The following GBP6 variants were observed in gnomAD, a reference collection of about 807,000 sequenced individuals.
The protein encoded by GBP6 is guanylate binding protein family member 6.
GBP6 carries 54 observed loss-of-function variants against 61.5 expected under a neutral mutation model. That is an observed-to-expected ratio of 0.88 (90% CI 0.71 to 1.10). The LOEUF is 1.10. Among genes scored for constraint, GBP6 ranks in the 50% least tolerant of loss-of-function variants. GBP6 has a pLI of 0.00. For synonymous variants in GBP6, 255 were observed against 273.7 expected (o/e 0.93, Z 0.67); for missense variants, 748 against 752.8 (o/e 0.99, Z 0.07).
chr1:89,368,107 G>A (rs1652514495), intron 1 of GBP6, among the ~76,000 whole-genome samples: 1 of 152,090 alleles, frequency 6.6e-6, no homozygotes, highest in Admixed American at 6.5e-5. Context: ...TTAATCAATT[G>A]TCCAGGTTTG....
Position 89,380,399 on chromosome 1 carries a change from A to G in GBP6, c.639A>G (p.Arg213=). ...TTTATCCCTCAGGCAATAATCCCAG[A>G]GTTCAAACATCCAATTTTCCCAGGG... ...ALKLIQGNNP[R]VQTSNFPREC... Residue 213 remains arginine, a synonymous_variant, in exon 6 of 11, where the codon AGA becomes AGG. Coordinates refer to ENST00000370456, the MANE Select transcript of GBP6 (RefSeq NM_198460.3). 6.2e-6 allele frequency: 10 copies of G among 1,613,456 alleles called. No individual in the cohort carries two copies. The highest frequency in any genetic ancestry group is 7.6e-6 in the Non-Finnish European group (9 of 1,179,506).
chr1:89,379,391 A>G (rs1486647328), intron 5 of GBP6, among the ~76,000 whole-genome samples: 1 of 152,120 alleles, frequency 6.6e-6, no homozygotes, highest in Non-Finnish European at 1.5e-5. Flanking sequence ...GAGGGGACAC[A>G]CATCCAAAAT....
Position 89,386,976 on chromosome 1 carries a change from G to T in GBP6, c.*1507G>T, listed in dbSNP as rs1653161279. Among the ~76,000 whole-genome samples, 1 of 152,196 alleles carries T rather than the reference G, an allele frequency of 6.6e-6. No individual in the cohort carries two copies. Among genetic ancestry groups the T allele is most frequent in the South Asian group, 2.1e-4 (1 of 4,824 alleles). On this transcript the variant is annotated 3_prime_UTR_variant, in exon 11 of 11. Coordinates refer to ENST00000370456, the MANE Select transcript of GBP6 (RefSeq NM_198460.3). ...TGAAGATGGTCAATACAATGGACCA[G>T]CCATAGGGTTAAATGGGATGGGGAG...
At chr1:89,367,947 T>C (rs1439867952) in intron 1 of GBP6, among the ~76,000 whole-genome samples, 1 of 152,236 alleles carries the variant, frequency 6.6e-6, no homozygotes, top group Non-Finnish European at 1.5e-5. Flanking sequence ...ATTTTGAATA[T>C]GCCTTTTAAA....
rs759881704 is a variant in GBP6, at chr1:89,378,492, G to A, written c.504G>A (p.Glu168=). 1.9e-6 allele frequency: 3 copies of A among 1,614,164 alleles called. No individual in the cohort carries two copies. The highest frequency in any genetic ancestry group is 1.3e-5 in the African/African-American group (1 of 75,054). ...CTGATGGAGTAGAAGATTCCACAGA[G>A]TTTGTGAGTTTCTTCCCAGACTTTC... ...PRPDGVEDST[E]FVSFFPDFLW... The change falls in exon 5 of 11, where the codon GAG becomes GAA. Residue 168 remains glutamate, a synonymous_variant. Coordinates refer to ENST00000370456, the MANE Select transcript of GBP6 (RefSeq NM_198460.3).
intron 9 of GBP6, 29 bp from the exon 10 acceptor site, chr1:89,384,064 C>CT: frequency 6.4e-7 from 1 of 1,559,120 alleles, no homozygotes; most frequent in South Asian, 1.2e-5. Flanking sequence ...CTATTATTTT[C>CT]TTCTCTTTCT....
chr1:89,368,912 AT>A (rs1208532852), intron 2 of GBP6, among the ~76,000 whole-genome samples, 171 bp downstream of exon 2: 1 of 151,926 alleles, frequency 6.6e-6, no homozygotes, highest in Non-Finnish European at 1.5e-5. Flanking sequence ...CCATTCTCAT[AT>A]TTTTTCCCTC....
At chr1:89,367,913 C>CA (rs1207155731) in intron 1 of GBP6, among the ~76,000 whole-genome samples, 1 of 152,158 alleles carries the variant, frequency 6.6e-6, no homozygotes, top group African/African-American at 2.4e-5. Flanking sequence ...AACTGGCAAA[C>CA]AAAATGCCAT....
At position 89,382,564 on chromosome 1, in the gene GBP6, T is replaced by C. The variant is rs1234708853; in HGVS notation, c.1153-100T>C. 6.7e-6 allele frequency: 6 copies of C among 892,410 alleles called. No homozygotes were observed. In the African/African-American group the frequency reaches 1.0e-4, roughly 15 times the overall value. The allele number at this position is 892,410 out of a possible 1,614,324, so 55.3% of individuals were successfully genotyped here. ...CATCTACTCCACTAGAATGTTTTTC[T>C]CATGAGGACCACAGTTAGATTGACT... On this transcript the variant is annotated intron_variant, in intron 7 of 10. Transcript: ENST00000370456.
At chr1:89,374,632 G>A (rs909192739) in intron 3 of GBP6, among the ~76,000 whole-genome samples, 1 of 152,014 alleles carries the variant, frequency 6.6e-6, no homozygotes, top group Admixed American at 6.6e-5. Flanking sequence ...AATGTGTCAG[G>A]TGATATCTTA....
At position 89,385,541 on chromosome 1, in the gene GBP6, GT is replaced by G. The variant is rs370789372; in HGVS notation, c.*86del. 1.5e-3 allele frequency: 1,682 copies of G among 1,135,790 alleles called. No individual in the cohort carries two copies. The highest frequency in any genetic ancestry group is 3.6e-3 in the East Asian group (138 of 37,896). The allele number at this position is 1,135,790 out of a possible 1,614,324, so 70.4% of individuals were successfully genotyped here. On this transcript the variant is annotated 3_prime_UTR_variant, in exon 11 of 11. Transcript: ENST00000370456. ...TATGTTTTTCATTTTCATTCAGCAA[GT>G]TTTTTTTTTTTTTCAGAGTCTTACT...
chr1:89,380,772 A>C, intron 6 of GBP6, 141 bp downstream of exon 6: 1 of 712,210 alleles, frequency 1.4e-6, no homozygotes, highest in Non-Finnish European at 2.2e-6. Flanking sequence ...AAATGTGTAT[A>C]ATTATCACAC....
At chr1:89,379,909 G>A (rs972918059) in intron 5 of GBP6, among the ~76,000 whole-genome samples, 1 of 152,210 alleles carries the variant, frequency 6.6e-6, no homozygotes, top group Admixed American at 6.5e-5. Context: ...AGGAAGAGGT[G>A]AAAGGATTAT....
chr1:89,380,492 C>T lies in GBP6; in HGVS notation c.732C>T (p.Asp244=). 1 of 1,614,104 alleles carries T rather than the reference C, an allele frequency of 6.2e-7. No homozygotes were observed. The change falls in exon 6 of 11, where the codon GAC becomes GAT. Residue 244 remains aspartate, a synonymous_variant. Transcript: ENST00000370456. ...TTGACCGGCCAACAAATGACAAAGACCTTCTAGCCAATATTGAGAAGGTGT... is the reference window on the plus strand; with the variant it reads ...TTGACCGGCCAACAAATGACAAAGATCTTCTAGCCAATATTGAGAAGGTGT... ...FVFDRPTNDK[D]LLANIEKVSE...
intron 7 of GBP6, among the ~76,000 whole-genome samples, chr1:89,382,441 AAG>A (rs1166659840): frequency 1.3e-5 from 2 of 152,228 alleles, no homozygotes; most frequent in African/African-American, 4.8e-5. Context: ...TGTCACAGAT[AAG>A]GAACCTGAAG....
chr1:89,378,968 A>T (rs974192748), intron 5 of GBP6, among the ~76,000 whole-genome samples: 2 of 152,204 alleles, frequency 1.3e-5, no homozygotes, highest in Non-Finnish European at 2.9e-5. Flanking sequence ...GTTAGACATG[A>T]AATTACAATG....
intron 10 of GBP6, 23 bp downstream of exon 10, chr1:89,384,309 C>T (rs1355849138): frequency 3.2e-6 from 5 of 1,583,922 alleles, no homozygotes; most frequent in Non-Finnish European, 4.3e-6. Context: ...TTGGCCTCAG[C>T]AGGCCAGACG....
intron 5 of GBP6, 134 bp downstream of exon 5, chr1:89,378,747 T>C (rs1652878930): frequency 1.5e-6 from 1 of 652,786 alleles, no homozygotes; most frequent in Admixed American, 3.0e-5. Context: ...GAGGGGTATG[T>C]TGAAGAGCTC....
chr1:89,371,065 G>A lies in GBP6; in HGVS notation c.318+1392G>A, dbSNP rs77397491. ...TGAGTTTAACTATTTGACTATTTTAGATTCCACAAATAGGTGAGATCATGC... is the reference window on the plus strand; with the variant it reads ...TGAGTTTAACTATTTGACTATTTTAAATTCCACAAATAGGTGAGATCATGC... On this transcript the variant is annotated intron_variant, in intron 3 of 10. Coordinates refer to ENST00000370456, the MANE Select transcript of GBP6 (RefSeq NM_198460.3). Among the ~76,000 whole-genome samples the A allele has an allele frequency of 5.7e-3, 864 of 152,262 alleles. 25 individuals are homozygous for A. The East Asian group carries it at 0.084, about 15-fold the overall frequency.
Sources: gnomAD v4.1 joint callset for allele counts (sites outside exome capture counted in the v4.1 genomes callset) on GRCh38, gnomAD v4.1.1 for gene constraint, MANE v1.5 for transcripts, NCBI Gene and HGNC (gene_info 2026-07-23, HGNC 2026-07-21) for gene names.